The following TENM3 variants were observed in gnomAD, a reference collection of about 807,000 sequenced individuals.
The protein encoded by TENM3 is teneurin-3.
A neutral mutation model predicts 255.1 loss-of-function variants in TENM3; 63 were observed. The ratio of observed to expected loss-of-function variants is 0.25; its 90% CI spans 0.20 to 0.30. The LOEUF (loss-of-function observed/expected upper bound fraction) is 0.30. Ranked by LOEUF, TENM3 falls within the 10% of genes least tolerant of loss-of-function variation. The pLI is 1.00. For synonymous variants in TENM3, 1,306 were observed against 1,322.3 expected (o/e 0.99, Z 0.27); for missense variants, 2,929 against 3,461.1 (o/e 0.85, Z 3.86).
At chr4:182,274,079 T>C (rs1431228622) in intron 1 of TENM3, among the ~76,000 whole-genome samples, 2 of 152,062 alleles carry the variant, frequency 1.3e-5, no homozygotes, top group Non-Finnish European at 2.9e-5. Flanking sequence ...GAGGCCAGAA[T>C]GAGTGAGCAG....
the TENM3 span, among the ~76,000 whole-genome samples, chr4:181,577,152 T>C: frequency 3.0e-5 from 4 of 135,106 alleles, no homozygotes; most frequent in Admixed American, 8.3e-5. Flanking sequence ...ATAATTAATA[T>C]ATATATAAAT....
intron 1 of TENM3, among the ~76,000 whole-genome samples, chr4:182,156,511 G>C (rs926182741): frequency 6.6e-6 from 1 of 151,422 alleles, no homozygotes; most frequent in Non-Finnish European, 1.5e-5. Context: ...CCCTCTCCCC[G>C]CCCTAGTAGT....
At chr4:181,988,807 G>T in the TENM3 span, among the ~76,000 whole-genome samples, 2 of 150,342 alleles carry the variant, frequency 1.3e-5, no homozygotes, top group Non-Finnish European at 3.0e-5. Flanking sequence ...TTTTTTCAGC[G>T]CCTTCTCTTG....
At chr4:182,306,882 A>C (rs1379744890) in intron 1 of TENM3, among the ~76,000 whole-genome samples, 2 of 152,180 alleles carry the variant, frequency 1.3e-5, no homozygotes, top group African/African-American at 4.8e-5. Context: ...TGAATGCTGC[A>C]ATTTCCCATA....
At chr4:182,681,764 C>A (rs1044008135) in intron 10 of TENM3, 50 bp from the exon 11 acceptor site, 4 of 1,305,720 alleles carry the variant, frequency 3.1e-6, no homozygotes, top group Non-Finnish European at 4.3e-6. Context: ...TTTCTGCATG[C>A]ACTATGATAT....
chr4:182,453,757 C>A (rs577239640), intron 3 of TENM3, among the ~76,000 whole-genome samples: 1 of 152,218 alleles, frequency 6.6e-6, no homozygotes, highest in South Asian at 2.1e-4. Flanking sequence ...TAATCTGGAT[C>A]TCTTTTTATG....
the TENM3 span, among the ~76,000 whole-genome samples, chr4:181,474,819 A>G: frequency 2.1e-4 from 32 of 152,078 alleles, no homozygotes; most frequent in Non-Finnish European, 8.8e-5. Context: ...GAGACCTAAT[A>G]TGGCAAACAG....
rs139216146 is a variant in TENM3, at chr4:182,540,700, T to C, written c.512-60224T>C. Among the ~76,000 whole-genome samples, 908 of 152,298 alleles carry C rather than the reference T, an allele frequency of 6.0e-3. 2 individuals carry two copies. The highest frequency in any genetic ancestry group is 0.018 in the South Asian group (88 of 4,826). ...TCAGCGGTGTTGAGTAAGCACCTAC[T>C]TCATGTCAAGAACTGGGCTAGGAAT... On this transcript the variant is annotated intron_variant, in intron 3 of 27. Coordinates refer to ENST00000511685, the MANE Select transcript of TENM3 (RefSeq NM_001080477.4).
At chr4:181,571,285 G>A in the TENM3 span, among the ~76,000 whole-genome samples, 2 of 152,158 alleles carry the variant, frequency 1.3e-5, no homozygotes, top group African/African-American at 4.8e-5. Flanking sequence ...TCCGTGAACA[G>A]TAACAGTGGC....
At chr4:182,719,329 T>C in intron 13 of TENM3, among the ~76,000 whole-genome samples, 1 of 136,110 alleles carries the variant, frequency 7.3e-6, no homozygotes, top group African/African-American at 2.7e-5. Flanking sequence ...TGGCGTGGTC[T>C]CGGCTCACTG....
the TENM3 span, among the ~76,000 whole-genome samples, chr4:181,494,250 A>G: frequency 7.9e-5 from 12 of 152,154 alleles, no homozygotes; most frequent in Non-Finnish European, 1.3e-4. Flanking sequence ...ACCAACTAAA[A>G]TGTCAACAGC....
chr4:182,455,513 C>A (rs557342062), intron 3 of TENM3, among the ~76,000 whole-genome samples: 1 of 150,438 alleles, frequency 6.6e-6, no homozygotes, highest in East Asian at 2.0e-4. Flanking sequence ...CCCTTCCTTG[C>A]ATCTCACAGA....
chr4:181,755,230 T>C, the TENM3 span, among the ~76,000 whole-genome samples: 1 of 152,224 alleles, frequency 6.6e-6, no homozygotes, highest in Non-Finnish European at 1.5e-5. Flanking sequence ...ATCCAATTGT[T>C]CACCATTCAC....
chr4:182,708,788 A>C (rs1400180877), intron 12 of TENM3, among the ~76,000 whole-genome samples: 1 of 135,222 alleles, frequency 7.4e-6, no homozygotes, highest in Non-Finnish European at 1.6e-5. Flanking sequence ...ACAGAGCGAG[A>C]CTCCGTCTCA....
At chr4:182,299,912 CT>C (rs796408014) in intron 1 of TENM3, among the ~76,000 whole-genome samples, 3,395 of 142,850 alleles carry the variant, frequency 0.024, 105 homozygotes, top group African/African-American at 0.073. Flanking sequence ...TCAAGTAGAT[CT>C]TTTTTTTTTT....
the TENM3 span, among the ~76,000 whole-genome samples, chr4:181,602,521 G>T: frequency 6.6e-6 from 1 of 152,138 alleles, no homozygotes; most frequent in Non-Finnish European, 1.5e-5. Flanking sequence ...ACTTGAAATG[G>T]AAATTCTACA....
chr4:182,198,638 C>A (rs553908987), intron 1 of TENM3, among the ~76,000 whole-genome samples: 1 of 152,182 alleles, frequency 6.6e-6, no homozygotes, highest in Non-Finnish European at 1.5e-5. Flanking sequence ...GAAAAGTCAG[C>A]GGCAATGGAA....
the TENM3 span, among the ~76,000 whole-genome samples, chr4:181,811,524 C>T: frequency 6.6e-6 from 1 of 152,190 alleles, no homozygotes; most frequent in African/African-American, 2.4e-5. Context: ...TATTCTCATG[C>T]TGCTAATAAA....
chr4:181,497,380 T>A, the TENM3 span, among the ~76,000 whole-genome samples: 1 of 152,206 alleles, frequency 6.6e-6, no homozygotes. Context: ...TTTTTTTCCT[T>A]GCTTTTCATT....
Sources: gnomAD v4.1 joint callset for allele counts (sites outside exome capture counted in the v4.1 genomes callset) on GRCh38, gnomAD v4.1.1 for gene constraint, MANE v1.5 for transcripts, NCBI Gene and HGNC (gene_info 2026-07-23, HGNC 2026-07-21) for gene names.